The following RPS6KC1 variants were observed in gnomAD, a reference collection of about 807,000 sequenced individuals.
RPS6KC1 encodes the protein inactive ribosomal protein S6 kinase delta-1.
A neutral mutation model predicts 103.8 loss-of-function variants in RPS6KC1; 54 were observed. The ratio of observed to expected loss-of-function variants is 0.52; its 90% CI spans 0.42 to 0.65. The LOEUF (loss-of-function observed/expected upper bound fraction) is 0.65, where lower values mean the gene tolerates loss of function less well. RPS6KC1 is among the 30% of genes least tolerant of loss of function. The probability of loss-of-function intolerance (pLI) is 0.00; values close to 1 mark genes in which losing one functional copy is unlikely to be tolerated. For missense variants in RPS6KC1, 1,151 were observed against 1,253.8 expected (o/e 0.92, Z 1.24); for synonymous variants, 439 against 438.7 (o/e 1.00, Z -0.01).
At chr1:213,402,530 G>C in the RPS6KC1 span, among the ~76,000 whole-genome samples, 1 of 152,144 alleles carries the variant, frequency 6.6e-6, no homozygotes, top group Non-Finnish European at 1.5e-5. Context: ...GGAATAATGA[G>C]GAGAACTGAG....
chr1:213,648,761 A>G, the RPS6KC1 span, among the ~76,000 whole-genome samples: 1 of 152,044 alleles, frequency 6.6e-6, no homozygotes, highest in Admixed American at 6.6e-5. Context: ...GCCATATGAG[A>G]TATCACTGTA....
the RPS6KC1 span, among the ~76,000 whole-genome samples, chr1:213,680,262 G>A: frequency 5.0e-3 from 758 of 152,250 alleles, 6 homozygotes; most frequent in African/African-American, 0.017. Context: ...AGGTTACAAC[G>A]CAGACTCAAA....
At chr1:213,675,297 T>C in the RPS6KC1 span, among the ~76,000 whole-genome samples, 1 of 152,222 alleles carries the variant, frequency 6.6e-6, no homozygotes. Flanking sequence ...TTCTGTCTCC[T>C]AGCTAGTAGA....
the RPS6KC1 span, among the ~76,000 whole-genome samples, chr1:213,859,656 G>C: frequency 6.6e-6 from 1 of 152,192 alleles, no homozygotes; most frequent in African/African-American, 2.4e-5. Flanking sequence ...TCCCGTTCTA[G>C]ATGGCCCTTA....
intron 8 of RPS6KC1, among the ~76,000 whole-genome samples, chr1:213,186,208 C>CT (rs568190593): frequency 8.4e-5 from 12 of 142,732 alleles, no homozygotes; most frequent in East Asian, 4.1e-4. Flanking sequence ...TTTTTTAAAC[C>CT]TTTTTTTTTT....
chr1:213,346,979 C>A, the RPS6KC1 span, among the ~76,000 whole-genome samples: 3 of 152,090 alleles, frequency 2.0e-5, no homozygotes, highest in East Asian at 5.8e-4. Flanking sequence ...TCATAATTAA[C>A]AATAAATACC....
the RPS6KC1 span, among the ~76,000 whole-genome samples, chr1:213,440,593 T>TAAAAAAAAAAA: frequency 1.0e-4 from 10 of 100,372 alleles, no homozygotes; most frequent in African/African-American, 1.2e-4. Context: ...TTAATGGAAC[T>TAAAAAAAAAAA]AAAAAAAAAA....
At chr1:213,601,643 G>T in the RPS6KC1 span, among the ~76,000 whole-genome samples, 3 of 151,922 alleles carry the variant, frequency 2.0e-5, no homozygotes, top group Admixed American at 1.3e-4. Flanking sequence ...AGTGCCTCAC[G>T]TGGCTTCCTG....
intron 14 of RPS6KC1, among the ~76,000 whole-genome samples, chr1:213,271,487 C>T (rs560712947): frequency 6.2e-4 from 95 of 152,122 alleles, no homozygotes; most frequent in African/African-American, 1.8e-3. Flanking sequence ...TCTAAAAGGC[C>T]GGGTGCGGTG....
chr1:213,121,982 G>A (rs983282903), intron 5 of RPS6KC1, among the ~76,000 whole-genome samples: 2 of 152,086 alleles, frequency 1.3e-5, no homozygotes, highest in East Asian at 3.8e-4. Flanking sequence ...TGTAACTATT[G>A]TAGAGACACG....
At chr1:213,693,452 T>A in the RPS6KC1 span, among the ~76,000 whole-genome samples, 2 of 152,224 alleles carry the variant, frequency 1.3e-5, no homozygotes, top group African/African-American at 4.8e-5. Flanking sequence ...ATTTGTTTTG[T>A]TAAGGATGTA....
chr1:213,703,844 G>A, the RPS6KC1 span, among the ~76,000 whole-genome samples: 1 of 151,932 alleles, frequency 6.6e-6, no homozygotes, highest in Non-Finnish European at 1.5e-5. Flanking sequence ...TAACCTTCTT[G>A]TACTTGGATA....
At chr1:213,492,945 C>A in the RPS6KC1 span, among the ~76,000 whole-genome samples, 88 of 152,276 alleles carry the variant, frequency 5.8e-4, no homozygotes, top group Middle Eastern at 0.01. Context: ...AAAAGTAGAG[C>A]CGCATTCTAG....
the RPS6KC1 span, among the ~76,000 whole-genome samples, chr1:213,659,785 C>T: frequency 6.6e-6 from 1 of 151,958 alleles, no homozygotes; most frequent in Admixed American, 6.6e-5. Flanking sequence ...CTGTTCCCAA[C>T]AGCAGTCAAA....
chr1:213,793,900 CT>C, the RPS6KC1 span, among the ~76,000 whole-genome samples: 9 of 151,660 alleles, frequency 5.9e-5, no homozygotes, highest in South Asian at 4.2e-4. Context: ...TGTGTGTTTT[CT>C]TTTTTTTCCC....
At chr1:213,535,741 G>A in the RPS6KC1 span, among the ~76,000 whole-genome samples, 1 of 152,144 alleles carries the variant, frequency 6.6e-6, no homozygotes, top group Non-Finnish European at 1.5e-5. Context: ...ACAGCTCCAG[G>A]TAACCACTCA....
chr1:213,355,722 A>G, the RPS6KC1 span, among the ~76,000 whole-genome samples: 2 of 152,164 alleles, frequency 1.3e-5, no homozygotes, highest in Admixed American at 1.3e-4. Context: ...ATGATCTTCT[A>G]TGTAACTCTT....
At chr1:213,280,701 G>A in the RPS6KC1 span, among the ~76,000 whole-genome samples, 3 of 152,160 alleles carry the variant, frequency 2.0e-5, no homozygotes, top group African/African-American at 7.2e-5. Context: ...GGGAATGTGG[G>A]TGATTATCTT....
At chr1:213,380,736 G>A in the RPS6KC1 span, among the ~76,000 whole-genome samples, 5 of 152,240 alleles carry the variant, frequency 3.3e-5, no homozygotes, top group African/African-American at 7.2e-5. Context: ...AATGTGCTGC[G>A]GGGTGAAAGG....
Sources: gnomAD v4.1 joint callset for allele counts (sites outside exome capture counted in the v4.1 genomes callset) on GRCh38, gnomAD v4.1.1 for gene constraint, MANE v1.5 for transcripts, NCBI Gene and HGNC (gene_info 2026-07-23, HGNC 2026-07-21) for gene names.